Variants in DPYD observed in about 807,000 individuals in gnomAD.
DPYD encodes dihydropyrimidine dehydrogenase [NADP(+)].
A neutral mutation model predicts 116.2 loss-of-function variants in DPYD; 109 were observed. The observed-to-expected ratio is 0.94, with a 90% CI of 0.80 to 1.10. DPYD has a LOEUF of 1.10. DPYD is among the 50% of genes least tolerant of loss of function. The probability of loss-of-function intolerance (pLI) is 0.00; values close to 1 mark genes in which losing one functional copy is unlikely to be tolerated. For missense variants in DPYD, 1,302 were observed against 1,254.5 expected (o/e 1.04, Z -0.57); for synonymous variants, 440 against 432.0 (o/e 1.02, Z -0.23).
chr1:97,717,511 G>C (rs1662680251), intron 5 of DPYD, among the ~76,000 whole-genome samples: 1 of 151,858 alleles, frequency 6.6e-6, no homozygotes, highest in South Asian at 2.1e-4. Context: ...TTCTTTAGTA[G>C]TGATTTCTGA....
chr1:97,799,965 TA>T (rs1667768625), intron 3 of DPYD, among the ~76,000 whole-genome samples: 1 of 151,936 alleles, frequency 6.6e-6, no homozygotes, highest in Admixed American at 6.6e-5. Context: ...CCCCCATTAG[TA>T]GTGATATTTA....
intron 16 of DPYD, among the ~76,000 whole-genome samples, chr1:97,323,525 C>CGT (rs1558030557): frequency 2.8e-5 from 3 of 106,514 alleles, no homozygotes; most frequent in Admixed American, 9.4e-5. Flanking sequence ...TATATATACA[C>CGT]ATATATATAC....
chr1:97,783,394 T>A (rs1196319586), intron 3 of DPYD, among the ~76,000 whole-genome samples: 1 of 152,030 alleles, frequency 6.6e-6, no homozygotes, highest in Non-Finnish European at 1.5e-5. Context: ...TTTATTTATT[T>A]ATTTACTTAT....
intron 8 of DPYD, among the ~76,000 whole-genome samples, chr1:97,635,725 A>G (rs960908892): frequency 2.7e-5 from 4 of 149,702 alleles, no homozygotes; most frequent in Admixed American, 2.0e-4. Context: ...AGATACTGAC[A>G]TTCTCATTAA....
intron 20 of DPYD, among the ~76,000 whole-genome samples, chr1:97,179,302 T>G (rs537820268): frequency 6.6e-6 from 1 of 152,258 alleles, no homozygotes; most frequent in East Asian, 1.9e-4. Context: ...TTTGTTTCAC[T>G]TGGGACCTAC....
At chr1:97,167,175 A>C (rs1352416286) in intron 20 of DPYD, among the ~76,000 whole-genome samples, 1 of 152,186 alleles carries the variant, frequency 6.6e-6, no homozygotes, top group East Asian at 1.9e-4. Context: ...TTAAAAGTGT[A>C]CATTTTTCAA....
Position 97,740,392 on chromosome 1 carries a change from C to T in DPYD, c.321G>A (p.Lys107=). ...TTTGCAGAGTTAAATCTGAATTTAC[C>T]TTGTTTGCAATACTTGTGATGAATG... ...IKSFITSIAN[K]NYYGAAKMIF... The change falls in exon 4 of 23, where the codon AAG becomes AAA. Residue 107 remains lysine (K), a splice_region_variant and synonymous_variant. Coordinates refer to ENST00000370192, the MANE Select transcript of DPYD (RefSeq NM_000110.4). The T allele has an allele frequency of 6.2e-7, 1 of 1,609,878 alleles. No homozygotes were observed. Among genetic ancestry groups the T allele is most frequent in the Non-Finnish European group, 8.5e-7 (1 of 1,176,646 alleles).
intron 9 of DPYD, among the ~76,000 whole-genome samples, chr1:97,594,522 C>G (rs1484673606): frequency 6.6e-6 from 1 of 152,170 alleles, no homozygotes; most frequent in African/African-American, 2.4e-5. Context: ...TTTAGATTAT[C>G]TGACTTTGGA....
intron 13 of DPYD, among the ~76,000 whole-genome samples, chr1:97,501,108 G>A (rs954487646): frequency 2.6e-5 from 4 of 152,044 alleles, no homozygotes; most frequent in Middle Eastern, 3.4e-3. Flanking sequence ...AACCCTGTAC[G>A]ACATAGTTCT....
At chr1:97,210,911 G>A (rs749985630) in intron 19 of DPYD, among the ~76,000 whole-genome samples, 30 of 152,024 alleles carry the variant, frequency 2.0e-4, no homozygotes, top group Non-Finnish European at 4.0e-4. Flanking sequence ...AGTATATATC[G>A]TGAATCTATT....
At chr1:97,175,252 T>A (rs1052996126) in intron 20 of DPYD, among the ~76,000 whole-genome samples, 5 of 149,562 alleles carry the variant, frequency 3.3e-5, no homozygotes, top group African/African-American at 1.3e-4. Context: ...AAGTAATATC[T>A]CATTGTAGTG....
chr1:97,899,262 G>A (rs749114912), intron 1 of DPYD, among the ~76,000 whole-genome samples: 17 of 151,618 alleles, frequency 1.1e-4, no homozygotes, highest in Non-Finnish European at 1.6e-4. Context: ...TGACTAACAC[G>A]CAATTAAAAA....
intron 1 of DPYD, among the ~76,000 whole-genome samples, chr1:97,906,021 GA>G (rs147536998): frequency 0.024 from 3,629 of 150,488 alleles, 149 homozygotes; most frequent in African/African-American, 0.084. Context: ...TAGGGAACAA[GA>G]AAAAAAAATG....
At chr1:97,810,337 T>G (rs960513247) in intron 3 of DPYD, among the ~76,000 whole-genome samples, 1 of 150,694 alleles carries the variant, frequency 6.6e-6, no homozygotes, top group Non-Finnish European at 1.5e-5. Flanking sequence ...AAAGGGCACT[T>G]ACCCATCTCG....
intron 16 of DPYD, among the ~76,000 whole-genome samples, chr1:97,317,875 T>C (rs1051903720): frequency 6.6e-6 from 1 of 152,032 alleles, no homozygotes; most frequent in Non-Finnish European, 1.5e-5. Flanking sequence ...CTGCAATCCC[T>C]TGGCAATGAA....
chr1:97,674,905 T>C (rs1438836059), intron 8 of DPYD, among the ~76,000 whole-genome samples: 1 of 152,182 alleles, frequency 6.6e-6, no homozygotes, highest in Non-Finnish European at 1.5e-5. Flanking sequence ...TTGATAGGTG[T>C]TGAGTATACT....
At chr1:97,120,329 C>T (rs1652329776) in intron 20 of DPYD, among the ~76,000 whole-genome samples, 1 of 152,162 alleles carries the variant, frequency 6.6e-6, no homozygotes, top group Non-Finnish European at 1.5e-5. Context: ...AGAGAATCAG[C>T]CTAACAGGAC....
intron 16 of DPYD, among the ~76,000 whole-genome samples, chr1:97,370,253 T>C (rs944099919): frequency 2.0e-5 from 3 of 152,156 alleles, no homozygotes; most frequent in Non-Finnish European, 2.9e-5. Context: ...AAATCGAGTT[T>C]ATGTGCTTTT....
rs150857439 is a variant in DPYD, at chr1:97,136,897, C to T, written c.2623-38265G>A. On this transcript the variant is annotated intron_variant, in intron 20 of 22. Transcript: ENST00000370192. ...AAAGAGTAGTCAGCTAGGTATTTGT[C>T]GACTAGAAAGAATCGTTAAAATGGA... Among the ~76,000 whole-genome samples, 397 of 152,002 alleles carry T rather than the reference C, an allele frequency of 2.6e-3. 2 individuals are homozygous for T. The highest frequency in any genetic ancestry group is 9.1e-3 in the African/African-American group (377 of 41,454).
Sources: gnomAD v4.1 joint callset for allele counts (sites outside exome capture counted in the v4.1 genomes callset) on GRCh38, gnomAD v4.1.1 for gene constraint, MANE v1.5 for transcripts, NCBI Gene and HGNC (gene_info 2026-07-23, HGNC 2026-07-21) for gene names.